The following FGF12 variants were observed in gnomAD, a reference collection of about 807,000 sequenced individuals.
FGF12 encodes the protein fibroblast growth factor 12, also known as fibroblast growth factor 12B.
FGF12 carries 14 observed loss-of-function variants against 23.6 expected under a neutral mutation model. That is an observed-to-expected ratio of 0.59 (90% CI 0.39 to 0.93). The LOEUF is 0.93. Among genes scored for constraint, FGF12 ranks in the 40% least tolerant of loss-of-function variants. The probability of loss-of-function intolerance (pLI) is 0.00; values close to 1 mark genes in which losing one functional copy is unlikely to be tolerated. For synonymous variants in FGF12, 62 were observed against 77.3 expected, an observed-to-expected ratio of 0.80 and a Z score of 1.04; for missense variants, 175 against 217.8, an observed-to-expected ratio of 0.80 and a Z score of 1.24.
chr3:192,519,444 A>G (rs1724759244), intron 2 of FGF12, among the ~76,000 whole-genome samples: 1 of 152,188 alleles, frequency 6.6e-6, no homozygotes, highest in South Asian at 2.1e-4. Context: ...GTATATCATT[A>G]TGGCAGGGGG....
At chr3:192,478,094 C>A (rs1288199063) in intron 2 of FGF12, among the ~76,000 whole-genome samples, 1 of 152,128 alleles carries the variant, frequency 6.6e-6, no homozygotes, top group Non-Finnish European at 1.5e-5. Flanking sequence ...CCTAAAATCT[C>A]ATTGCATTTT....
intron 2 of FGF12, among the ~76,000 whole-genome samples, chr3:192,554,890 T>C (rs540204428): frequency 2.3e-4 from 35 of 152,046 alleles, no homozygotes; most frequent in Middle Eastern, 3.4e-3. Flanking sequence ...AATAACTAAA[T>C]TGAAAAATTT....
chr3:192,609,324 G>C (rs944511287), intron 2 of FGF12, among the ~76,000 whole-genome samples: 2 of 152,044 alleles, frequency 1.3e-5, no homozygotes, highest in African/African-American at 4.8e-5. Flanking sequence ...CGTGTGAAAA[G>C]GCTGCATTTG....
At position 192,509,062 on chromosome 3, in the gene FGF12, GT is replaced by G. The variant is rs111442568; in HGVS notation, c.14-148525del. Among the ~76,000 whole-genome samples, 290 of 145,298 alleles carry G rather than the reference GT, an allele frequency of 2.0e-3. 1 individual carries two copies. Among genetic ancestry groups the G allele is most frequent in the Middle Eastern group, 7.2e-3 (2 of 276 alleles). On this transcript the variant is annotated intron_variant, in intron 2 of 5. Coordinates refer to ENST00000445105, the MANE Select transcript of FGF12 (RefSeq NM_004113.6). ...ACCTAGATACAATCAATCCTGAAGG[GT>G]TTTTTTTTTTGCTAAATTGGAAAAT...
intron 4 of FGF12, among the ~76,000 whole-genome samples, chr3:192,227,825 C>T (rs1718819510): frequency 6.6e-6 from 1 of 151,938 alleles, no homozygotes; most frequent in African/African-American, 2.4e-5. Flanking sequence ...GCAACTTCAG[C>T]AAAAAATAGA....
chr3:192,330,455 A>T (rs1409726293), intron 4 of FGF12, among the ~76,000 whole-genome samples: 1 of 152,164 alleles, frequency 6.6e-6, no homozygotes, highest in East Asian at 1.9e-4. Context: ...CTTCAACAAG[A>T]TTACACAATG....
At position 192,407,981 on chromosome 3, in the gene FGF12, A is replaced by T. The variant is rs760207104; in HGVS notation, c.14-47443T>A. ...CGAGGTGCTTTGAGGAGGGAGAAAG[A>T]GGGCGTCCCCTCTGGGGAGCCCACT... On this transcript the variant is annotated intron_variant, in intron 2 of 5. Transcript: ENST00000445105. 6.5e-6 allele frequency: 10 copies of T among 1,536,738 alleles called. 1 individual carries two copies. The highest frequency in any genetic ancestry group is 8.7e-6 in the Non-Finnish European group (10 of 1,142,946).
At chr3:192,596,205 C>T (rs1361016432) in intron 2 of FGF12, among the ~76,000 whole-genome samples, 2 of 147,268 alleles carry the variant, frequency 1.4e-5, no homozygotes, top group Non-Finnish European at 3.0e-5. Context: ...GCCTACTCTA[C>T]TTGAGAATTA....
intron 4 of FGF12, among the ~76,000 whole-genome samples, chr3:192,324,577 T>A (rs1045083439): frequency 6.6e-6 from 1 of 152,202 alleles, no homozygotes; most frequent in Non-Finnish European, 1.5e-5. Context: ...GTTTTACACA[T>A]AAGAAAACAA....
chr3:192,284,743 T>C (rs1714351028), intron 4 of FGF12, among the ~76,000 whole-genome samples: 2 of 152,094 alleles, frequency 1.3e-5, no homozygotes, highest in Non-Finnish European at 2.9e-5. Flanking sequence ...AGCAATGAAA[T>C]CTAGACAAGC....
chr3:192,650,745 T>A (rs183918065), intron 2 of FGF12, among the ~76,000 whole-genome samples: 32 of 152,318 alleles, frequency 2.1e-4, no homozygotes, highest in Non-Finnish European at 3.7e-4. Context: ...TGAAACAGCA[T>A]CTCTTCAAGA....
intron 2 of FGF12, among the ~76,000 whole-genome samples, chr3:192,722,512 A>G (rs1719070556): frequency 6.6e-6 from 1 of 152,154 alleles, no homozygotes; most frequent in African/African-American, 2.4e-5. Context: ...AAAGAATTGA[A>G]TCTTCCTTGG....
intron 2 of FGF12, among the ~76,000 whole-genome samples, chr3:192,653,116 C>T (rs1207617172): frequency 1.3e-5 from 2 of 152,128 alleles, no homozygotes; most frequent in African/African-American, 2.4e-5. Flanking sequence ...TAGGGAACAC[C>T]TATGTCATAT....
chr3:192,382,748 C>A (rs1719872557), intron 2 of FGF12, among the ~76,000 whole-genome samples: 1 of 151,742 alleles, frequency 6.6e-6, no homozygotes, highest in Non-Finnish European at 1.5e-5. Flanking sequence ...GTTGTATTAC[C>A]CCAAAATATA....
At chr3:192,667,083 T>C (rs1399813262) in intron 2 of FGF12, among the ~76,000 whole-genome samples, 1 of 152,222 alleles carries the variant, frequency 6.6e-6, no homozygotes. Flanking sequence ...CATTCATTGA[T>C]TAGGCATTGA....
intron 3 of FGF12, among the ~76,000 whole-genome samples, chr3:192,348,122 G>A (rs1156662358): frequency 6.6e-6 from 1 of 152,148 alleles, no homozygotes; most frequent in East Asian, 1.9e-4. Flanking sequence ...TCGTACCTAA[G>A]TAGGAAGGAG....
At chr3:192,417,681 T>TA (rs924144691) in intron 2 of FGF12, among the ~76,000 whole-genome samples, 18 of 152,054 alleles carry the variant, frequency 1.2e-4, no homozygotes, top group African/African-American at 3.6e-4. Flanking sequence ...ATAAATATGG[T>TA]AAAAAACAAA....
chr3:192,178,023 A>G (rs1448977442), intron 4 of FGF12, among the ~76,000 whole-genome samples: 1 of 152,202 alleles, frequency 6.6e-6, no homozygotes, highest in Non-Finnish European at 1.5e-5. Context: ...ATTAAACAAC[A>G]AATCGACTCC....
intron 5 of FGF12, among the ~76,000 whole-genome samples, chr3:192,168,971 T>G (rs965702363): frequency 1.3e-5 from 2 of 152,088 alleles, no homozygotes; most frequent in Non-Finnish European, 2.9e-5. Flanking sequence ...CAAAGACTAA[T>G]AGACATTTTC....
Sources: allele counts gnomAD v4.1 joint callset (sites outside exome capture counted in the v4.1 genomes callset), GRCh38; gene constraint gnomAD v4.1.1; transcripts MANE v1.5; gene names NCBI Gene and HGNC (gene_info 2026-07-23, HGNC 2026-07-21).